The following TMEM132B variants were observed in gnomAD, a reference collection of about 807,000 sequenced individuals.
TMEM132B encodes the protein transmembrane protein 132B.
In TMEM132B, 18 loss-of-function variants were observed where a neutral mutation model predicts 90.8. The observed-to-expected ratio is 0.20, with a 90% CI of 0.14 to 0.29. TMEM132B has a LOEUF of 0.29. Ranked by LOEUF, TMEM132B falls within the 10% of genes least tolerant of loss-of-function variation. The probability of loss-of-function intolerance (pLI) is 1.00; values close to 1 mark genes in which losing one functional copy is unlikely to be tolerated. For missense variants in TMEM132B, 1,096 were observed against 1,326.8 expected (o/e 0.83, Z 2.70); for synonymous variants, 504 against 523.3 (o/e 0.96, Z 0.50).
At chr12:125,187,969 C>G (rs1010597775) in intron 1 of TMEM132B, among the ~76,000 whole-genome samples, 1 of 152,166 alleles carries the variant, frequency 6.6e-6, no homozygotes, top group African/African-American at 2.4e-5. Flanking sequence ...ATCGCACAGA[C>G]AGGCAGAATG....
At chr12:125,595,838 T>A (rs561517911) in intron 5 of TMEM132B, among the ~76,000 whole-genome samples, 1 of 151,074 alleles carries the variant, frequency 6.6e-6, no homozygotes. Flanking sequence ...CCCAGCCCCA[T>A]TGGAGCAATT....
At position 125,657,569 on chromosome 12, in the gene TMEM132B, G is replaced by A. The variant is rs1002734223; in HGVS notation, c.*2859G>A. The A allele has an allele frequency of 6.6e-6, 1 of 152,128 alleles. No homozygotes were observed. The highest frequency in any genetic ancestry group is 1.5e-5 in the Non-Finnish European group (1 of 68,024). 9.4% of individuals were successfully genotyped at this position (152,128 alleles called of 1,614,324 possible). Reference sequence around the variant, plus strand: ...AGTCAATATACAACTATTAGGTGCTGTGCCCCAAAATATCTAAAATGGGGG... The same window carrying A: ...AGTCAATATACAACTATTAGGTGCTATGCCCCAAAATATCTAAAATGGGGG... On this transcript the variant is annotated 3_prime_UTR_variant, in exon 9 of 9. Coordinates refer to ENST00000682704, the MANE Select transcript of TMEM132B (RefSeq NM_001366854.1).
chr12:125,199,312 G>C (rs1488395228), intron 1 of TMEM132B, among the ~76,000 whole-genome samples: 1 of 152,194 alleles, frequency 6.6e-6, no homozygotes, highest in Non-Finnish European at 1.5e-5. Context: ...GGAGGGGAGA[G>C]AGAGAGGGGG....
intron 1 of TMEM132B, among the ~76,000 whole-genome samples, chr12:125,232,144 A>G (rs187051670): frequency 6.6e-6 from 1 of 152,252 alleles, no homozygotes; most frequent in African/African-American, 2.4e-5. Flanking sequence ...ATATATTATA[A>G]TTTATTTTAA....
chr12:125,545,827 T>C (rs1238682117), intron 4 of TMEM132B, among the ~76,000 whole-genome samples: 1 of 152,154 alleles, frequency 6.6e-6, no homozygotes, highest in East Asian at 1.9e-4. Flanking sequence ...CAAGCTACAT[T>C]TGGAATTTTC....
chr12:125,441,785 T>C (rs1011866163), intron 3 of TMEM132B, among the ~76,000 whole-genome samples: 3 of 152,230 alleles, frequency 2.0e-5, no homozygotes, highest in African/African-American at 7.2e-5. Flanking sequence ...GATAACAAAC[T>C]CTTTCTGAAT....
intron 3 of TMEM132B, among the ~76,000 whole-genome samples, chr12:125,416,470 A>G (rs375420671): frequency 6.6e-6 from 1 of 152,192 alleles, no homozygotes; most frequent in East Asian, 1.9e-4. Flanking sequence ...GCTTATCACC[A>G]TATATTGTCA....
intron 1 of TMEM132B, chr12:125,300,894 G>A (rs1258136485): frequency 6.6e-6 from 1 of 152,016 alleles, no homozygotes; most frequent in Non-Finnish European, 1.5e-5. Context: ...GCCTGCACTG[G>A]GGTGCTTTTG....
intron 3 of TMEM132B, among the ~76,000 whole-genome samples, chr12:125,478,125 A>G (rs1028675661): frequency 6.6e-6 from 1 of 152,242 alleles, no homozygotes; most frequent in Non-Finnish European, 1.5e-5. Flanking sequence ...CCATCATCAA[A>G]GACCAAAGGT....
chr12:125,213,725 C>G lies in TMEM132B; in HGVS notation c.67+26859C>G, dbSNP rs1873373142. 1.3e-5 allele frequency among the ~76,000 whole-genome samples: 2 copies of G among 152,210 alleles called. No homozygotes were observed. Among genetic ancestry groups the G allele is most frequent in the South Asian group, 2.1e-4 (1 of 4,826 alleles). On this transcript the variant is annotated intron_variant, in intron 1 of 8. Transcript: ENST00000682704. This position sits in a 1 kb window ranked among gnomAD's most constrained non-coding sequence, Gnocchi z 4.2. ...TGTACATGATCTAGCGTCCCTTGCT[C>G]TAGATAGAGTGTGATCTCTGTAAGT...
chr12:125,601,898 C>T (rs369413321), intron 5 of TMEM132B, among the ~76,000 whole-genome samples: 1 of 152,158 alleles, frequency 6.6e-6, no homozygotes, highest in African/African-American at 2.4e-5. Flanking sequence ...ATACACCCTC[C>T]CAAGACTAAA....
At chr12:125,555,747 A>G (rs1483779915) in intron 4 of TMEM132B, among the ~76,000 whole-genome samples, 5 of 151,964 alleles carry the variant, frequency 3.3e-5, no homozygotes, top group African/African-American at 1.2e-4. Context: ...AAAAGAAAAG[A>G]GTCATTTCAC....
At chr12:125,376,370 T>C (rs906785371) in intron 2 of TMEM132B, among the ~76,000 whole-genome samples, 2 of 152,154 alleles carry the variant, frequency 1.3e-5, no homozygotes, top group African/African-American at 4.8e-5. Context: ...AAATATTAAG[T>C]AATAATACAG....
Position 125,445,908 on chromosome 12 carries a change from AG to A in TMEM132B, c.1106+30233del, listed in dbSNP as rs1385006284. 1.5e-5 allele frequency among the ~76,000 whole-genome samples: 2 copies of A among 137,084 alleles called. No individual in the cohort carries two copies. The highest frequency in any genetic ancestry group is 2.7e-4 in the South Asian group (1 of 3,708). 89.9% of individuals were successfully genotyped at this position (137,084 alleles called of 152,430 possible). Reference sequence around the variant, plus strand: ...CCCACCAGCCTCAATCCTTCATCCCAGGATAGAGTTCCCTCCTTGCCTCGCA... The same window carrying A: ...CCCACCAGCCTCAATCCTTCATCCCAGATAGAGTTCCCTCCTTGCCTCGCA... On this transcript the variant is annotated intron_variant, in intron 3 of 8. Transcript: ENST00000682704. The surrounding 1 kb of genome is among the most constrained non-coding windows in gnomAD (Gnocchi z 4.3).
At chr12:125,360,253 C>A (rs1197525516) in intron 2 of TMEM132B, among the ~76,000 whole-genome samples, 1 of 152,174 alleles carries the variant, frequency 6.6e-6, no homozygotes, top group Non-Finnish European at 1.5e-5. Context: ...ATCTATAACC[C>A]GATTTACTCT....
At chr12:125,529,531 C>A (rs1474003112) in intron 4 of TMEM132B, among the ~76,000 whole-genome samples, 1 of 152,188 alleles carries the variant, frequency 6.6e-6, no homozygotes, top group Non-Finnish European at 1.5e-5. Context: ...GCCTTCCCAC[C>A]TCTGTGTGTC....
At chr12:125,469,800 T>G (rs565862346) in intron 3 of TMEM132B, among the ~76,000 whole-genome samples, 1 of 152,324 alleles carries the variant, frequency 6.6e-6, no homozygotes, top group African/African-American at 2.4e-5. Context: ...TTCTCTGATT[T>G]TCATGAGAGG....
At chr12:125,313,058 C>T (rs78770460) in intron 1 of TMEM132B, among the ~76,000 whole-genome samples, 255 of 152,198 alleles carry the variant, frequency 1.7e-3, no homozygotes, top group Non-Finnish European at 3.1e-3. Context: ...GCTGGGAGTG[C>T]GAGTGCCTGG....
intron 1 of TMEM132B, among the ~76,000 whole-genome samples, chr12:125,335,638 T>G (rs1414754168): frequency 6.6e-6 from 1 of 152,228 alleles, no homozygotes; most frequent in Non-Finnish European, 1.5e-5. Flanking sequence ...AAAGTCAGCT[T>G]TGTAGAAGAC....
Sources: gnomAD v4.1 joint callset for allele counts (sites outside exome capture counted in the v4.1 genomes callset) on GRCh38, gnomAD v4.1.1 for gene constraint, Gnocchi (gnomAD v3.1) non-coding constraint, MANE v1.5 for transcripts, NCBI Gene and HGNC (gene_info 2026-07-23, HGNC 2026-07-21) for gene names.